The following MAP3K14 variants were observed in gnomAD, a reference collection of about 807,000 sequenced individuals.
The protein encoded by MAP3K14 is NF-kappa-beta-inducing kinase.
A neutral mutation model predicts 99.2 loss-of-function variants in MAP3K14; 16 were observed. The observed-to-expected ratio is 0.16, with a 90% CI of 0.11 to 0.24. The LOEUF is 0.24. Ranked by LOEUF, MAP3K14 falls within the 10% of genes least tolerant of loss-of-function variation. The pLI is 1.00. For missense variants in MAP3K14, 784 were observed against 1,208.7 expected (o/e 0.65, Z 5.21); for synonymous variants, 462 against 492.4 (o/e 0.94, Z 0.82).
chr17:45,274,391 G>A (rs2044163350), intron 7 of MAP3K14, 73 bp downstream of exon 7: 2 of 1,595,250 alleles, frequency 1.3e-6, no homozygotes, highest in Non-Finnish European at 1.7e-6. Flanking sequence ...AGTGACCAAG[G>A]CCAACTTGGG....
chr17:45,312,818 TG>T (rs1263283275), intron 1 of MAP3K14, among the ~76,000 whole-genome samples: 3 of 152,234 alleles, frequency 2.0e-5, no homozygotes, highest in Admixed American at 2.0e-4. Context: ...GGGGAAAGGG[TG>T]GTGAGCTGGG....
chr17:45,267,187 T>G lies in MAP3K14; in HGVS notation c.2338A>C (p.Asn780His). 6.3e-7 allele frequency: 1 copy of G among 1,592,918 alleles called. No homozygotes were observed. The highest frequency in any genetic ancestry group is 8.6e-7 in the Non-Finnish European group (1 of 1,169,300). The stretch of plus-strand genomic sequence containing the variant: ...AGAGAAAATGGCTGGGACAGGCTGT[T>G]GAGGAATAATTCTGCAGGGAAAAGT... ...LQQLEIELFLNSLSQPFSLEE... is the reference protein window; with the variant it reads ...LQQLEIELFLHSLSQPFSLEE... Residue 780 changes from asparagine to histidine, a missense_variant, in exon 13 of 16, where the codon AAC becomes CAC. Physicochemically the swap from Asn to His is moderately conservative, Grantham distance 68. This residue lies in a region of MAP3K14 where 128 missense variants were observed against 143.3 expected (regional missense o/e 0.89). Coordinates refer to ENST00000344686, the MANE Select transcript of MAP3K14 (RefSeq NM_003954.5). This position sits in a 1 kb window ranked among gnomAD's most constrained non-coding sequence, Gnocchi z 5.1.
chr17:45,277,256 A>G (rs1453823444), intron 6 of MAP3K14, among the ~76,000 whole-genome samples: 1 of 152,076 alleles, frequency 6.6e-6, no homozygotes, highest in African/African-American at 2.4e-5. Context: ...GCACCCATTA[A>G]CTTGTCATTT....
chr17:45,266,763 G>A (rs1306323768), intron 13 of MAP3K14, 82 bp from the exon 14 acceptor site: 1 of 1,458,196 alleles, frequency 6.9e-7, no homozygotes, highest in Non-Finnish European at 9.3e-7. Context: ...TGGGGAAAAG[G>A]GGCACTGCTC....
chr17:45,300,305 C>T (rs190990286), intron 1 of MAP3K14, among the ~76,000 whole-genome samples: 1 of 152,166 alleles, frequency 6.6e-6, no homozygotes. Context: ...GTCTTACCCA[C>T]TTCCAGCTTC....
At chr17:45,284,980 C>T in intron 5 of MAP3K14, 31 bp from the exon 6 acceptor site, 1 of 1,549,072 alleles carries the variant, frequency 6.5e-7, no homozygotes, top group South Asian at 1.2e-5. Context: ...AGGACAGTTT[C>T]AGTGGCCAGG....
In MAP3K14 at chr17:45,287,143, G is replaced by A. The variant is rs1322937893; in HGVS notation, c.537+11C>T. On this transcript the variant is annotated intron_variant, in intron 4 of 15. Coordinates refer to ENST00000344686, the MANE Select transcript of MAP3K14 (RefSeq NM_003954.5). Reference sequence around the variant, plus strand: ...GAACCTGGGGTCTGGGCAGTGGGTGGAGGGTCTCACCTGCACTGGGATGGT... The same window carrying A: ...GAACCTGGGGTCTGGGCAGTGGGTGAAGGGTCTCACCTGCACTGGGATGGT... 1 of 1,610,880 alleles carries A rather than the reference G, an allele frequency of 6.2e-7. No individual in the cohort carries two copies. Among genetic ancestry groups the A allele is most frequent in the Non-Finnish European group, 8.5e-7 (1 of 1,177,742 alleles).
chr17:45,276,823 CTTTTTTTTTTTTT>C (rs35012373), intron 6 of MAP3K14, among the ~76,000 whole-genome samples: 5 of 62,258 alleles, frequency 8.0e-5, no homozygotes, highest in African/African-American at 3.5e-4. Context: ...TCTTAGACTT[CTTTTTTTTTTTTT>C]TTTTTTTTTT....
intron 1 of MAP3K14, among the ~76,000 whole-genome samples, chr17:45,301,784 T>C (rs535365237): frequency 6.6e-6 from 1 of 152,216 alleles, no homozygotes; most frequent in East Asian, 1.9e-4. Flanking sequence ...TTTATACCTT[T>C]CTAATTTTTC....
At chr17:45,305,039 T>G (rs1445010379) in intron 1 of MAP3K14, among the ~76,000 whole-genome samples, 1 of 152,196 alleles carries the variant, frequency 6.6e-6, no homozygotes, top group Non-Finnish European at 1.5e-5. Flanking sequence ...CGCTACAAGA[T>G]GAGCAGTCAG....
rs566215281 is a variant in MAP3K14 at position 45,270,565 on chromosome 17, TG to T, written c.1822-3del. 6 of 1,546,720 alleles carry T rather than the reference TG, an allele frequency of 3.9e-6. No individual in the cohort carries two copies. Among genetic ancestry groups the T allele is most frequent in the South Asian group, 1.2e-5 (1 of 81,456 alleles). ...CACAGGCGGAGGCTCGCTGGCAATC[TG>T]GGGGGCAAAAGACAACAGGTGAGGC... On this transcript the variant is annotated splice_polypyrimidine_tract_variant and splice_region_variant and intron_variant, in intron 10 of 15. Coordinates refer to ENST00000344686, the MANE Select transcript of MAP3K14 (RefSeq NM_003954.5).
rs11410554 is a variant in MAP3K14, at chr17:45,288,379, G to GTTT, written c.326+854_326+856dup. Among the ~76,000 whole-genome samples the GTTT allele has an allele frequency of 6.6e-4, 90 of 135,794 alleles. 1 individual carries two copies. The highest frequency in any genetic ancestry group is 7.9e-4 in the African/African-American group (29 of 36,602). The allele number at this position is 135,794 out of a possible 152,430, so 89.1% of individuals were successfully genotyped here. Reference sequence around the variant, plus strand: ...GGAGCTGTTTCTAGCTTGAACTCTTGTTTTTTTTTTTTTTTTTGAGACAGA... The same window carrying GTTT: ...GGAGCTGTTTCTAGCTTGAACTCTTGTTTTTTTTTTTTTTTTTTTTGAGACAGA... On this transcript the variant is annotated intron_variant, in intron 3 of 15. Coordinates refer to ENST00000344686, the MANE Select transcript of MAP3K14 (RefSeq NM_003954.5).
chr17:45,307,712 A>G (rs1352439104), intron 1 of MAP3K14, among the ~76,000 whole-genome samples: 1 of 152,198 alleles, frequency 6.6e-6, no homozygotes, highest in Non-Finnish European at 1.5e-5. Context: ...AGAAAAGATG[A>G]AGAAAGACAG....
At chr17:45,294,778 A>G (rs1598259887) in intron 1 of MAP3K14, among the ~76,000 whole-genome samples, 1 of 152,234 alleles carries the variant, frequency 6.6e-6, no homozygotes, top group Non-Finnish European at 1.5e-5. Flanking sequence ...AGAGACTGCC[A>G]CCTGACCCCT....
chr17:45,278,007 GC>G (rs1163844331), intron 6 of MAP3K14, among the ~76,000 whole-genome samples: 1 of 152,162 alleles, frequency 6.6e-6, no homozygotes, highest in Admixed American at 6.5e-5. Context: ...CTTATGTCAC[GC>G]TTTTCAAATG....
chr17:45,291,811 C>G (rs1668926420), intron 1 of MAP3K14, among the ~76,000 whole-genome samples: 1 of 152,266 alleles, frequency 6.6e-6, no homozygotes, highest in African/African-American at 2.4e-5. Flanking sequence ...TTTTTAATAA[C>G]TGCTCTCTGA....
chr17:45,306,995 C>T (rs2044435366), intron 1 of MAP3K14, among the ~76,000 whole-genome samples: 1 of 152,218 alleles, frequency 6.6e-6, no homozygotes, highest in South Asian at 2.1e-4. Flanking sequence ...TGGTGGCTCA[C>T]ACCTGTAATC....
intron 1 of MAP3K14, among the ~76,000 whole-genome samples, chr17:45,305,092 GTTT>G (rs1209995707): frequency 6.6e-6 from 1 of 151,942 alleles, no homozygotes; most frequent in Admixed American, 6.6e-5. Flanking sequence ...TTGGTTTTAT[GTTT>G]TTTTATTTTT....
In MAP3K14 at chr17:45,266,447, G is replaced by C. The variant is rs556433695; in HGVS notation, c.2578+90C>G. On this transcript the variant is annotated intron_variant, in intron 14 of 15. Coordinates refer to ENST00000344686, the MANE Select transcript of MAP3K14 (RefSeq NM_003954.5). ...CCTTCCTCCCTCCCACTGTGCCAGA[G>C]GAGGGGAGACAAAATCCCTCAATGG... 6.0e-5 allele frequency: 89 copies of C among 1,489,370 alleles called. 1 individual carries two copies. The East Asian group carries it at 1.7e-3, about 28-fold the overall frequency. The allele number at this position is 1,489,370 out of a possible 1,614,324, so 92.3% of individuals were successfully genotyped here.
Sources: gnomAD v4.1 joint callset for allele counts (sites outside exome capture counted in the v4.1 genomes callset) on GRCh38, gnomAD v4.1.1 for gene constraint, gnomAD v4.1.1 regional missense constraint, Gnocchi (gnomAD v3.1) non-coding constraint, MANE v1.5 for transcripts, NCBI Gene and HGNC (gene_info 2026-07-23, HGNC 2026-07-21) for gene names.